Variants in GSE1 observed in about 807,000 individuals in gnomAD.
GSE1 encodes genetic suppressor element 1.
In GSE1, 32 loss-of-function variants were observed where a neutral mutation model predicts 112.6. That is an observed-to-expected ratio of 0.28 (90% CI 0.21 to 0.38). GSE1 has a LOEUF of 0.38. Among genes scored for constraint, GSE1 ranks in the 10% least tolerant of loss-of-function variants. The pLI is 1.00. For missense variants in GSE1, 2,348 were observed against 1,699.2 expected, an observed-to-expected ratio of 1.38 and a Z score of -6.71; for synonymous variants, 1,115 against 735.6, an observed-to-expected ratio of 1.52 and a Z score of -8.35.
At chr16:85,638,696 C>G (rs72801192) in intron 2 of GSE1, among the ~76,000 whole-genome samples, 26,160 of 134,850 alleles carry the variant, frequency 0.19, 2,910 homozygotes, top group South Asian at 0.26. Context: ...TGCCTCCTTT[C>G]ACCTTCCCCA....
intron 1 of GSE1, among the ~76,000 whole-genome samples, chr16:85,251,493 C>G (rs1270652138): frequency 1.3e-5 from 2 of 152,266 alleles, no homozygotes; most frequent in Non-Finnish European, 2.9e-5. Flanking sequence ...CGGAGGTCAT[C>G]CAGCGGGGGT....
chr16:85,327,812 T>TC (rs563453728), intron 1 of GSE1, among the ~76,000 whole-genome samples: 87 of 152,226 alleles, frequency 5.7e-4, no homozygotes, highest in Non-Finnish European at 9.7e-4. Context: ...AAAACTGAGG[T>TC]CCCGGGGGGA....
At chr16:85,255,132 G>A (rs868531547) in intron 1 of GSE1, among the ~76,000 whole-genome samples, 1 of 152,240 alleles carries the variant, frequency 6.6e-6, no homozygotes, top group South Asian at 2.1e-4. Flanking sequence ...TCCCCGAGGG[G>A]CGGGCGTGAG....
At chr16:85,524,576 C>T (rs1216741679) in intron 2 of GSE1, among the ~76,000 whole-genome samples, 2 of 152,044 alleles carry the variant, frequency 1.3e-5, no homozygotes, top group African/African-American at 4.8e-5. Context: ...CCAGGGGGAG[C>T]CGAGGGGTGC....
chr16:85,471,119 C>T (rs547289322), intron 2 of GSE1, among the ~76,000 whole-genome samples: 96 of 152,148 alleles, frequency 6.3e-4, no homozygotes, highest in African/African-American at 2.0e-3. Flanking sequence ...GTGCACGGCT[C>T]GGTCCTCCCC....
chr16:85,253,556 G>A (rs897706055), intron 1 of GSE1, among the ~76,000 whole-genome samples: 3 of 152,162 alleles, frequency 2.0e-5, no homozygotes, highest in African/African-American at 7.2e-5. Flanking sequence ...GGATTGGGAG[G>A]CCTCACCCTC....
intron 2 of GSE1, among the ~76,000 whole-genome samples, chr16:85,364,330 C>A (rs1401896253): frequency 1.3e-5 from 2 of 152,214 alleles, no homozygotes; most frequent in African/African-American, 4.8e-5. Context: ...CTGCACCAGG[C>A]CCACGTGGCT....
chr16:85,236,981 AAGGGTT>A (rs1904731145), intron 1 of GSE1, among the ~76,000 whole-genome samples: 1 of 152,156 alleles, frequency 6.6e-6, no homozygotes, highest in African/African-American at 2.4e-5. Flanking sequence ...TCACCACCCC[AAGGGTT>A]TCCATTTCAA....
intron 2 of GSE1, among the ~76,000 whole-genome samples, chr16:85,484,563 TTGG>T (rs1293639178): frequency 6.6e-6 from 1 of 152,172 alleles, no homozygotes; most frequent in Non-Finnish European, 1.5e-5. Context: ...GGGGCCACCA[TTGG>T]TGCTTCAGGG....
chr16:85,448,794 G>A (rs1044220457), intron 2 of GSE1, among the ~76,000 whole-genome samples: 20 of 152,236 alleles, frequency 1.3e-4, no homozygotes, highest in African/African-American at 4.8e-4. Context: ...AAAGAGGCAG[G>A]CGGCAGCTGC....
At chr16:85,182,247 C>A (rs966267929) in intron 1 of GSE1, among the ~76,000 whole-genome samples, 4 of 152,174 alleles carry the variant, frequency 2.6e-5, no homozygotes, top group African/African-American at 7.2e-5. Flanking sequence ...CCACCATCAG[C>A]CTCGTACAGA....
intron 2 of GSE1, among the ~76,000 whole-genome samples, chr16:85,541,640 G>C (rs1164627859): frequency 1.3e-5 from 2 of 152,224 alleles, no homozygotes; most frequent in Non-Finnish European, 2.9e-5. Flanking sequence ...GTGGGCCTGA[G>C]GTCCTGTTTC....
At chr16:85,655,633 A>G in intron 5 of GSE1, 93 bp from the exon 6 acceptor site, 1 of 737,522 alleles carries the variant, frequency 1.4e-6, no homozygotes, top group Non-Finnish European at 2.3e-6. Flanking sequence ...ACGCTCAGGC[A>G]GGTGTGTGTA....
At position 85,197,227 on chromosome 16, in the gene GSE1, C is replaced by G. The variant is rs976419709; in HGVS notation, c.2283+25420C>G. Among the ~76,000 whole-genome samples, 7 of 152,006 alleles carry G rather than the reference C, an allele frequency of 4.6e-5. No individual in the cohort carries two copies. In the East Asian group the frequency reaches 1.4e-3, roughly 29 times the overall value. On this transcript the variant is annotated intron_variant, in intron 1 of 2. Coordinates refer to the GSE1 transcript ENST00000637419. Reference sequence around the variant, plus strand: ...GGACCCAGAGCCACTTGGGGATCCACGTGGGAAGGGGGATTGTGGGACCCC... The same window carrying G: ...GGACCCAGAGCCACTTGGGGATCCAGGTGGGAAGGGGGATTGTGGGACCCC...
At chr16:85,210,912 G>A (rs2075213569) in intron 1 of GSE1, among the ~76,000 whole-genome samples, 2 of 152,194 alleles carry the variant, frequency 1.3e-5, no homozygotes, top group Admixed American at 6.5e-5. Context: ...GTGTGATCTT[G>A]GAAAGGTTGC....
intron 1 of GSE1, among the ~76,000 whole-genome samples, chr16:85,560,852 G>A (rs544875248): frequency 1.4e-4 from 21 of 152,218 alleles, no homozygotes; most frequent in African/African-American, 4.8e-4. Flanking sequence ...ACGAGGACTG[G>A]GCGAGGTATC....
At chr16:85,636,340 T>C (rs1364828235) in intron 2 of GSE1, among the ~76,000 whole-genome samples, 1 of 152,158 alleles carries the variant, frequency 6.6e-6, no homozygotes, top group Non-Finnish European at 1.5e-5. Flanking sequence ...AGTCTGCGGA[T>C]GTGGAGCAGT....
intron 13 of GSE1, among the ~76,000 whole-genome samples, 174 bp from the exon 14 acceptor site, chr16:85,667,966 A>ACGCTGCGTC (rs11268657): frequency 2.0e-5 from 3 of 151,570 alleles, no homozygotes; most frequent in African/African-American, 4.8e-5. Flanking sequence ...GGACTTTCTC[A>ACGCTGCGTC]AGTGGCCCAG....
intron 1 of GSE1, among the ~76,000 whole-genome samples, chr16:85,231,782 G>T (rs550472300): frequency 7.2e-5 from 11 of 152,180 alleles, no homozygotes; most frequent in Admixed American, 3.9e-4. Flanking sequence ...GGTTATTTCT[G>T]CTCTTTTCTC....
Sources: gnomAD v4.1 joint callset for allele counts (sites outside exome capture counted in the v4.1 genomes callset) on GRCh38, gnomAD v4.1.1 for gene constraint, MANE v1.5 for transcripts, NCBI Gene and HGNC (gene_info 2026-07-23, HGNC 2026-07-21) for gene names.